SCAMP1: variants seen among roughly 807,000 people sequenced by gnomAD.
SCAMP1 encodes the protein secretory carrier-associated membrane protein 1.
In SCAMP1, 15 loss-of-function variants were observed where a neutral mutation model predicts 41.8. The observed-to-expected ratio is 0.36, with a 90% confidence interval of 0.24 to 0.55. The LOEUF is 0.55. Ranked by LOEUF, SCAMP1 falls within the 20% of genes least tolerant of loss-of-function variation. The pLI, the probability that SCAMP1 is intolerant of heterozygous loss-of-function variation, is 0.86. For synonymous variants in SCAMP1, 135 were observed against 136.8 expected (o/e 0.99, Z 0.09); for missense variants, 341 against 412.6 (o/e 0.83, Z 1.50).
intron 7 of SCAMP1, among the ~76,000 whole-genome samples, chr5:78,455,684 T>C: frequency 7.3e-6 from 1 of 136,110 alleles, no homozygotes; most frequent in Admixed American, 7.3e-5. Flanking sequence ...GAGAGTTCTG[T>C]AGATGTCTAT....
intron 7 of SCAMP1, among the ~76,000 whole-genome samples, chr5:78,452,221 A>G (rs1439928396): frequency 6.6e-6 from 1 of 150,520 alleles, no homozygotes; most frequent in African/African-American, 2.5e-5. Context: ...TTTAGGGTAC[A>G]TGTGCACATT....
intron 2 of SCAMP1, among the ~76,000 whole-genome samples, chr5:78,400,332 T>A (rs1751766699): frequency 6.6e-6 from 1 of 152,226 alleles, no homozygotes; most frequent in Admixed American, 6.5e-5. Context: ...TCTTTCCATA[T>A]TGTGTTGACT....
intron 1 of SCAMP1, among the ~76,000 whole-genome samples, chr5:78,374,793 C>T (rs1751025106): frequency 6.6e-6 from 1 of 152,026 alleles, no homozygotes; most frequent in African/African-American, 2.4e-5. Flanking sequence ...GGTCTATAAA[C>T]ATAAGTGAGT....
At chr5:78,379,533 C>T (rs1226306180) in intron 1 of SCAMP1, among the ~76,000 whole-genome samples, 2 of 152,134 alleles carry the variant, frequency 1.3e-5, no homozygotes, top group Admixed American at 6.5e-5. Context: ...GAACTCAGTT[C>T]ACTTGAGAAA....
intron 6 of SCAMP1, among the ~76,000 whole-genome samples, chr5:78,436,328 G>A (rs1243685270): frequency 6.6e-6 from 1 of 152,148 alleles, no homozygotes; most frequent in Non-Finnish European, 1.5e-5. Flanking sequence ...TATTGCCTAG[G>A]TTTTCTTCTA....
chr5:78,424,112 G>A (rs535679716), intron 6 of SCAMP1, among the ~76,000 whole-genome samples: 146 of 152,088 alleles, frequency 9.6e-4, no homozygotes, highest in African/African-American at 3.2e-3. Context: ...TGCCCACCTC[G>A]GCCTCTGCCC....
intron 4 of SCAMP1, 88 bp downstream of exon 4, chr5:78,416,737 A>T (rs1752219588): frequency 1.1e-6 from 1 of 932,718 alleles, no homozygotes. Context: ...TGGCCTGTGG[A>T]TAAAACCCTA....
intron 2 of SCAMP1, among the ~76,000 whole-genome samples, chr5:78,412,601 G>GT (rs1471799126): frequency 1.3e-5 from 2 of 152,008 alleles, no homozygotes; most frequent in Non-Finnish European, 2.9e-5. Flanking sequence ...TATTGTCAGA[G>GT]TTTGTTTTTC....
chr5:78,453,091 T>C (rs1211692084), intron 7 of SCAMP1, among the ~76,000 whole-genome samples: 1 of 149,846 alleles, frequency 6.7e-6, no homozygotes, highest in South Asian at 2.1e-4. Flanking sequence ...ATTAGCCCTT[T>C]GTCAGACGAG....
At chr5:78,390,924 C>T (rs1751475149) in intron 2 of SCAMP1, among the ~76,000 whole-genome samples, 1 of 150,120 alleles carries the variant, frequency 6.7e-6, no homozygotes, top group East Asian at 1.9e-4. Context: ...ATCCATTTAA[C>T]CCTGAGTGGA....
At chr5:78,471,424 G>T (rs952928127) in intron 8 of SCAMP1, among the ~76,000 whole-genome samples, 1 of 152,008 alleles carries the variant, frequency 6.6e-6, no homozygotes, top group African/African-American at 2.4e-5. Context: ...AGGCTTAGAC[G>T]TCCATACTTT....
At chr5:78,469,909 A>C (rs13181474) in intron 8 of SCAMP1, among the ~76,000 whole-genome samples, 1,507 of 59,264 alleles carry the variant, frequency 0.025, 33 homozygotes, top group African/African-American at 0.092. Context: ...AAAAAAAAAA[A>C]AAACAAAAAA....
At chr5:78,391,078 C>T (rs994643998) in intron 2 of SCAMP1, among the ~76,000 whole-genome samples, 5 of 140,892 alleles carry the variant, frequency 3.5e-5, no homozygotes, top group Admixed American at 7.0e-5. Context: ...GGCAACCATC[C>T]GATTTCTCAA....
rs1040715395 is a variant in SCAMP1, at chr5:78,477,456, G to A, written c.*1788G>A. ...CTTATTGGAAATCTATTTTATCAGT[G>A]TGCTTTATTGAGTGTGGATTTTGCA... On this transcript the variant is annotated 3_prime_UTR_variant, in exon 9 of 9. Transcript: ENST00000621999. 1 of 152,090 alleles carries A rather than the reference G, an allele frequency of 6.6e-6. No individual in the cohort carries two copies. The highest frequency in any genetic ancestry group is 1.5e-5 in the Non-Finnish European group (1 of 67,966). The allele number at this position is 152,090 out of a possible 1,614,324, so 9.4% of individuals were successfully genotyped here.
At chr5:78,362,950 T>C (rs1433541737) in intron 1 of SCAMP1, among the ~76,000 whole-genome samples, 2 of 149,372 alleles carry the variant, frequency 1.3e-5, no homozygotes, top group Non-Finnish European at 3.0e-5. Context: ...TGGAGTGCAA[T>C]GGCGTGATCT....
At chr5:78,409,414 CAT>C (rs1752013765) in intron 2 of SCAMP1, among the ~76,000 whole-genome samples, 1 of 84,130 alleles carries the variant, frequency 1.2e-5, no homozygotes, top group Admixed American at 1.5e-4. Flanking sequence ...GACAGAGACA[CAT>C]ATAGATACAC....
At chr5:78,396,977 C>T (rs7448519) in intron 2 of SCAMP1, among the ~76,000 whole-genome samples, 144,049 of 152,320 alleles carry the variant, frequency 0.95, 68,314 homozygotes, top group Non-Finnish European at 0.97. Flanking sequence ...CTGGGAAAAG[C>T]GCAAATAGAC....
At chr5:78,437,217 C>G (rs996389274) in intron 6 of SCAMP1, among the ~76,000 whole-genome samples, 2 of 152,140 alleles carry the variant, frequency 1.3e-5, no homozygotes, top group African/African-American at 4.8e-5. Flanking sequence ...TTTCTCTTGC[C>G]TGATTGCCCT....
chr5:78,438,407 C>T (rs912012982), intron 6 of SCAMP1, among the ~76,000 whole-genome samples: 9 of 152,154 alleles, frequency 5.9e-5, no homozygotes, highest in Non-Finnish European at 8.8e-5. Context: ...GATTCTGGTA[C>T]GTTGTGTCTT....
Sources: gnomAD v4.1 joint callset for allele counts (sites outside exome capture counted in the v4.1 genomes callset) on GRCh38, gnomAD v4.1.1 for gene constraint, MANE v1.5 for transcripts, NCBI Gene and HGNC (gene_info 2026-07-23, HGNC 2026-07-21) for gene names.